Variants in LNX2 observed in about 807,000 individuals in gnomAD.
LNX2 encodes the protein ligand of numb-protein X 2.
LNX2 carries 35 observed loss-of-function variants against 66.2 expected under a neutral mutation model. That is an observed-to-expected ratio of 0.53 (90% confidence interval 0.40 to 0.70). LNX2 has a LOEUF of 0.70. Among genes scored for constraint, LNX2 ranks in the 30% least tolerant of loss-of-function variants. LNX2 has a pLI of 0.00. For missense variants in LNX2, 791 were observed against 850.8 expected, an observed-to-expected ratio of 0.93 and a Z score of 0.87; for synonymous variants, 337 against 315.6, an observed-to-expected ratio of 1.07 and a Z score of -0.72.
At chr13:27,550,218 A>G in intron 9 of LNX2, 115 bp downstream of exon 9, 1 of 891,288 alleles carries the variant, frequency 1.1e-6, no homozygotes, top group South Asian at 1.9e-5. Context: ...ACTGCAATGA[A>G]ACTTTATTTT....
chr13:27,546,745 C>A lies in LNX2; in HGVS notation c.*1590G>T, dbSNP rs1954944065. On this transcript the variant is annotated 3_prime_UTR_variant, in exon 10 of 10. Coordinates refer to ENST00000316334, the MANE Select transcript of LNX2 (RefSeq NM_153371.4). ...TCAATACCATTTATTACAGAGGTCACTTGTAAATTTGCTCAGATTCTGAAC... is the reference window on the plus strand; with the variant it reads ...TCAATACCATTTATTACAGAGGTCAATTGTAAATTTGCTCAGATTCTGAAC... 6.6e-6 allele frequency: 1 copy of A among 152,056 alleles called. No individual in the cohort carries two copies. Among genetic ancestry groups the A allele is most frequent in the Admixed American group, 6.5e-5 (1 of 15,268 alleles). The allele number at this position is 152,056 out of a possible 1,614,324, so 9.4% of individuals were successfully genotyped here. A position where few individuals can be genotyped will look rare whatever the true frequency, so the allele number is the denominator to read the frequency against.
chr13:27,578,885 G>A (rs1955369254), intron 2 of LNX2, among the ~76,000 whole-genome samples: 1 of 152,212 alleles, frequency 6.6e-6, no homozygotes, highest in Non-Finnish European at 1.5e-5. Flanking sequence ...TCTGCATCCT[G>A]ACTCACAGAA....
intron 2 of LNX2, among the ~76,000 whole-genome samples, chr13:27,579,866 C>A (rs1183846819): frequency 6.6e-6 from 1 of 152,110 alleles, no homozygotes. Flanking sequence ...GAGGCCTCTG[C>A]CATCATGTTC....
chr13:27,581,631 C>T lies in LNX2; in HGVS notation c.73G>A (p.Glu25Lys). Reference protein sequence around the residue: ...SSSSLNPLCFECGQQHWTREN... With the variant: ...SSSSLNPLCFKCGQQHWTREN... ...CTTGTCCAGTGCTGTTGGCCACATT[C>T]AAAACACAGGGGGTTTAGAGAAGAG... is the stretch of plus-strand genomic sequence containing the variant. The change falls in exon 2 of 10, where the codon GAA (glutamate) becomes AAA (lysine). Residue 25 changes from glutamate (E) to lysine (K), a missense_variant. Physicochemically the swap from Glu to Lys is moderately conservative, Grantham distance 56 (BLOSUM62 1). Transcript: ENST00000316334. 1 of 1,614,102 alleles carries T rather than the reference C, an allele frequency of 6.2e-7. No homozygotes were observed. Among genetic ancestry groups the T allele is most frequent in the Non-Finnish European group, 8.5e-7 (1 of 1,180,012 alleles).
intron 1 of LNX2, among the ~76,000 whole-genome samples, chr13:27,614,519 G>A (rs865781273): frequency 4.7e-5 from 7 of 149,224 alleles, no homozygotes; most frequent in Admixed American, 1.4e-4. Context: ...TTTGAAAATA[G>A]CCCCCAAATG....
At chr13:27,589,066 T>C (rs1955523100) in intron 1 of LNX2, among the ~76,000 whole-genome samples, 1 of 152,190 alleles carries the variant, frequency 6.6e-6, no homozygotes, top group Admixed American at 6.5e-5. Context: ...ATGACTGATA[T>C]ACAGCATCGA....
Position 27,567,759 on chromosome 13 carries a change from C to G in LNX2, c.736G>C (p.Gly246Arg). Reference sequence around the variant, plus strand: ...TCGTTGCCACCCACAATGCTGATTCCTAACTGAATGTAAGGATTGGACCGA... The same window carrying G: ...TCGTTGCCACCCACAATGCTGATTCGTAACTGAATGTAAGGATTGGACCGA... Reference protein sequence around the residue: ...IHRSNPYIQLGISIVGGNETP... With the variant: ...IHRSNPYIQLRISIVGGNETP... Residue 246 changes from glycine (G) to arginine (R), a missense_variant, in exon 4 of 10, where the codon GGA becomes CGA. Coordinates refer to ENST00000316334, the MANE Select transcript of LNX2 (RefSeq NM_153371.4). The G allele has an allele frequency of 6.2e-7, 1 of 1,613,982 alleles. No homozygotes were observed. Among genetic ancestry groups the G allele is most frequent in the Non-Finnish European group, 8.5e-7 (1 of 1,179,962 alleles).
chr13:27,591,143 T>C (rs4769561), intron 1 of LNX2, among the ~76,000 whole-genome samples: 55,455 of 152,112 alleles, frequency 0.36, 10,869 homozygotes, highest in African/African-American at 0.51. Context: ...CAGAGCCTTG[T>C]TGGCCTTGAT....
chr13:27,587,501 T>C (rs1955500068), intron 1 of LNX2, among the ~76,000 whole-genome samples: 1 of 152,184 alleles, frequency 6.6e-6, no homozygotes, highest in Non-Finnish European at 1.5e-5. Flanking sequence ...AGGGTCCTGA[T>C]ATGTATAACT....
chr13:27,583,184 G>A (rs932568727), intron 1 of LNX2, among the ~76,000 whole-genome samples: 300 of 2,524 alleles, frequency 0.12, 12 homozygotes, highest in Non-Finnish European at 0.15. Flanking sequence ...GTGTGTGTGT[G>A]TGTGTGTGTG....
chr13:27,573,097 G>C (rs1259953416), intron 2 of LNX2, among the ~76,000 whole-genome samples: 3 of 152,120 alleles, frequency 2.0e-5, no homozygotes, highest in Non-Finnish European at 4.4e-5. Flanking sequence ...AAGAAAAATG[G>C]CTGACTCTCA....
intron 6 of LNX2, among the ~76,000 whole-genome samples, chr13:27,556,681 T>A (rs1311790318): frequency 6.6e-6 from 1 of 152,210 alleles, no homozygotes; most frequent in African/African-American, 2.4e-5. Flanking sequence ...AATAAGCACA[T>A]CATTTGTATA....
chr13:27,552,377 AGTT>A (rs374203211), intron 8 of LNX2, among the ~76,000 whole-genome samples: 16 of 151,426 alleles, frequency 1.1e-4, no homozygotes, highest in African/African-American at 3.6e-4. Context: ...TATAAATGCT[AGTT>A]GTTGTTATAA....
rs1471717171 is a variant in LNX2, at chr13:27,556,355, T to C, written c.1427A>G (p.His476Arg). The change falls in exon 7 of 10, where the codon CAT becomes CGT. Residue 476 changes from histidine (H) to arginine (R), a missense_variant. Physicochemically the swap from His to Arg is conservative, Grantham distance 29. Coordinates refer to ENST00000316334, the MANE Select transcript of LNX2 (RefSeq NM_153371.4). Reference protein sequence around the residue: ...EKHITVKKEPHESLGMTVAGG... With the variant: ...EKHITVKKEPRESLGMTVAGG... Reference sequence around the variant, plus strand: ...AGCAACGGTCATGCCAAGGGATTCATGTGGTTCCTTCTTTACAGTAATGTG... The same window carrying C: ...AGCAACGGTCATGCCAAGGGATTCACGTGGTTCCTTCTTTACAGTAATGTG... 3.1e-6 allele frequency: 5 copies of C among 1,614,076 alleles called. No homozygotes were observed. Among genetic ancestry groups the C allele is most frequent in the Admixed American group, 1.7e-5 (1 of 60,004 alleles).
At chr13:27,593,808 CTGGT>C (rs1466505530) in intron 1 of LNX2, among the ~76,000 whole-genome samples, 2 of 147,356 alleles carry the variant, frequency 1.4e-5, no homozygotes, top group Non-Finnish European at 3.0e-5. Context: ...GTTGGTCAGG[CTGGT>C]TTCAAACTCC....
At chr13:27,604,713 T>C (rs1955695431) in intron 1 of LNX2, among the ~76,000 whole-genome samples, 1 of 151,962 alleles carries the variant, frequency 6.6e-6, no homozygotes, top group Non-Finnish European at 1.5e-5. Flanking sequence ...TTCCACAAAT[T>C]AAAAAAGAAA....
intron 2 of LNX2, among the ~76,000 whole-genome samples, chr13:27,573,412 T>C (rs1020420580): frequency 2.0e-5 from 3 of 150,344 alleles, no homozygotes; most frequent in African/African-American, 7.4e-5. Flanking sequence ...GCAAACTTCC[T>C]TTTCACTGGG....
chr13:27,556,386 C>G lies in LNX2; in HGVS notation c.1396G>C (p.Glu466Gln), dbSNP rs567385577. 7.4e-6 allele frequency: 12 copies of G among 1,613,832 alleles called. No individual in the cohort carries two copies. The South Asian group carries it at 1.2e-4, about 16-fold the overall frequency. Residue 466 changes from glutamate (E) to glutamine (Q), a missense_variant, in exon 7 of 10, where the codon GAA becomes CAA. Transcript: ENST00000316334. ...TCCTTCTTTACAGTAATGTGTTTTTCTTGGCATGTAACACACTGAGTAAGA... is the reference window on the plus strand; with the variant it reads ...TCCTTCTTTACAGTAATGTGTTTTTGTTGGCATGTAACACACTGAGTAAGA... Reference protein sequence around the residue: ...KDLTQCVTCQEKHITVKKEPH... With the variant: ...KDLTQCVTCQQKHITVKKEPH...
chr13:27,556,881 G>A (rs1400860356), intron 6 of LNX2, among the ~76,000 whole-genome samples: 1 of 152,186 alleles, frequency 6.6e-6, no homozygotes, highest in Non-Finnish European at 1.5e-5. Flanking sequence ...CCTATCTCCT[G>A]ATTCTCACTG....
Sources: allele counts gnomAD v4.1 joint callset (sites outside exome capture counted in the v4.1 genomes callset), GRCh38; gene constraint gnomAD v4.1.1; transcripts MANE v1.5; gene names NCBI Gene and HGNC (gene_info 2026-07-23, HGNC 2026-07-21).